The following NRXN3 variants were observed in gnomAD, a reference collection of about 807,000 sequenced individuals.
NRXN3 encodes the protein neurexin III.
NRXN3 carries 32 observed loss-of-function variants against 137.6 expected under a neutral mutation model. The ratio of observed to expected loss-of-function variants is 0.23; its 90% CI spans 0.18 to 0.31. NRXN3 has a LOEUF of 0.31. Ranked by LOEUF, NRXN3 falls within the 10% of genes least tolerant of loss-of-function variation. The pLI is 1.00. For missense variants in NRXN3, 1,574 were observed against 2,062.5 expected (o/e 0.76, Z 4.59); for synonymous variants, 798 against 784.5 (o/e 1.02, Z -0.29).
chr14:79,530,077 C>T (rs2097156147), intron 16 of NRXN3, among the ~76,000 whole-genome samples: 1 of 152,136 alleles, frequency 6.6e-6, no homozygotes, highest in African/African-American at 2.4e-5. Context: ...ACATCTTGAA[C>T]ATACCTTAAA....
At chr14:79,127,074 A>T (rs1371613114) in intron 15 of NRXN3, among the ~76,000 whole-genome samples, 2 of 152,026 alleles carry the variant, frequency 1.3e-5, no homozygotes, top group Non-Finnish European at 2.9e-5. Context: ...TCTGGATATT[A>T]GCCCTTTGTC....
At chr14:79,038,074 A>G (rs1292599007) in intron 15 of NRXN3, among the ~76,000 whole-genome samples, 1 of 152,120 alleles carries the variant, frequency 6.6e-6, no homozygotes, top group African/African-American at 2.4e-5. Context: ...ATATTTGTAA[A>G]TCCATGTAAT....
chr14:79,070,514 C>A, intron 15 of NRXN3, among the ~76,000 whole-genome samples: 1 of 152,118 alleles, frequency 6.6e-6, no homozygotes. Flanking sequence ...TCCAATATTC[C>A]AGCCACATGC....
chr14:78,427,232 T>C (rs1360048911), intron 4 of NRXN3, among the ~76,000 whole-genome samples: 1 of 152,158 alleles, frequency 6.6e-6, no homozygotes, highest in Non-Finnish European at 1.5e-5. Context: ...TTTCTCAACT[T>C]CCCCTGCAGG....
At chr14:79,675,820 G>T (rs545290229) in intron 17 of NRXN3, among the ~76,000 whole-genome samples, 1 of 152,180 alleles carries the variant, frequency 6.6e-6, no homozygotes, top group Non-Finnish European at 1.5e-5. Context: ...ATTTGAAGAT[G>T]ATGGACAGAA....
chr14:78,650,622 A>T (rs1054405389), intron 5 of NRXN3, among the ~76,000 whole-genome samples: 2 of 151,968 alleles, frequency 1.3e-5, no homozygotes, highest in Admixed American at 6.6e-5. Flanking sequence ...TCCCTCCCTG[A>T]ATGCATGTTT....
chr14:79,418,235 G>A (rs759680135), intron 15 of NRXN3, among the ~76,000 whole-genome samples: 2 of 152,154 alleles, frequency 1.3e-5, no homozygotes, highest in Non-Finnish European at 2.9e-5. Context: ...TTTTCAGTTA[G>A]AGGGGTGCTG....
intron 4 of NRXN3, chr14:78,300,671 T>C (rs1475188865): frequency 1.3e-6 from 2 of 1,530,670 alleles, no homozygotes; most frequent in South Asian, 2.4e-5. Context: ...TGGACCTTCA[T>C]TTCTGTAGGT....
intron 4 of NRXN3, among the ~76,000 whole-genome samples, chr14:78,634,361 G>T (rs1266883058): frequency 6.6e-6 from 1 of 152,136 alleles, no homozygotes; most frequent in Admixed American, 6.5e-5. Context: ...CAATTCCACA[G>T]GTCTTTACTT....
rs766945743 is a variant in NRXN3, at chr14:79,663,987, C to T, written c.3616+38C>T. The T allele has an allele frequency of 8.8e-6, 14 of 1,594,486 alleles. No individual in the cohort carries two copies. In the Admixed American group the frequency reaches 2.2e-4, roughly 25 times the overall value. The stretch of plus-strand genomic sequence containing the variant: ...CGCTCAATGGTCCTACTCTTTTTGA[C>T]TCTCCCATTCTCACTTTTCAGTGGT... On this transcript the variant is annotated intron_variant, in intron 17 of 20. Coordinates refer to ENST00000335750, the MANE Select transcript of NRXN3 (RefSeq NM_001330195.2).
At chr14:78,736,599 T>C (rs1209883140) in intron 8 of NRXN3, among the ~76,000 whole-genome samples, 2 of 152,140 alleles carry the variant, frequency 1.3e-5, no homozygotes, top group Non-Finnish European at 2.9e-5. Flanking sequence ...TGCTTAAGAG[T>C]TCCCAACTCT....
At chr14:79,304,624 C>T (rs1260759525) in intron 15 of NRXN3, among the ~76,000 whole-genome samples, 1 of 151,904 alleles carries the variant, frequency 6.6e-6, no homozygotes, top group African/African-American at 2.4e-5. Context: ...TGGGAAATTC[C>T]TAGTTATGTA....
intron 15 of NRXN3, among the ~76,000 whole-genome samples, chr14:79,156,883 A>G: frequency 6.6e-6 from 1 of 151,798 alleles, no homozygotes; most frequent in Non-Finnish European, 1.5e-5. Context: ...ATACTTCTTC[A>G]TTGTGAATGG....
At chr14:78,954,403 A>G (rs902600599) in intron 10 of NRXN3, among the ~76,000 whole-genome samples, 2 of 152,184 alleles carry the variant, frequency 1.3e-5, no homozygotes, top group Non-Finnish European at 2.9e-5. Context: ...TTTAAGAATA[A>G]TAAGAATTGT....
intron 15 of NRXN3, among the ~76,000 whole-genome samples, chr14:79,422,649 A>C (rs2095595845): frequency 6.6e-6 from 1 of 150,652 alleles, no homozygotes; most frequent in South Asian, 2.1e-4. Context: ...GATAAGATGG[A>C]TGGCTGTCTA....
At chr14:78,822,386 A>C (rs2098953115) in intron 10 of NRXN3, among the ~76,000 whole-genome samples, 1 of 152,110 alleles carries the variant, frequency 6.6e-6, no homozygotes, top group Non-Finnish European at 1.5e-5. Context: ...AGACTTGTTC[A>C]TATGGAGGCT....
chr14:79,867,304 C>T lies in NRXN3; in HGVS notation c.*5340C>T, dbSNP rs905016102. ...ATATTGTGTTAGTCTACTGGGATTA[C>T]CCTGGCAAAATACCACAGGCTGGGT... On this transcript the variant is annotated 3_prime_UTR_variant, in exon 21 of 21. Transcript: ENST00000335750. 2.0e-5 allele frequency: 3 copies of T among 152,292 alleles called. No individual in the cohort carries two copies. The highest frequency in any genetic ancestry group is 6.8e-3 in the Middle Eastern group (2 of 294). The allele number at this position is 152,292 out of a possible 1,614,324, so 9.4% of individuals were successfully genotyped here.
At chr14:78,408,056 A>C (rs2092602974) in intron 4 of NRXN3, among the ~76,000 whole-genome samples, 1 of 152,200 alleles carries the variant, frequency 6.6e-6, no homozygotes. Flanking sequence ...GGAAAGAACT[A>C]GGTTCTTTTG....
At chr14:79,302,124 G>C (rs2085245660) in intron 15 of NRXN3, among the ~76,000 whole-genome samples, 1 of 151,884 alleles carries the variant, frequency 6.6e-6, no homozygotes, top group Non-Finnish European at 1.5e-5. Context: ...CACATCCTGT[G>C]GGTTGTAATA....
Sources: allele counts gnomAD v4.1 joint callset (sites outside exome capture counted in the v4.1 genomes callset), GRCh38; gene constraint gnomAD v4.1.1; transcripts MANE v1.5; gene names NCBI Gene and HGNC (gene_info 2026-07-23, HGNC 2026-07-21).